SPATA17: variants seen among roughly 807,000 people sequenced by gnomAD.
The protein encoded by SPATA17 is spermatogenesis-associated protein 17.
In SPATA17, 53 loss-of-function variants were observed where a neutral mutation model predicts 62.2. The ratio of observed to expected loss-of-function variants is 0.85; its 90% CI spans 0.68 to 1.07. SPATA17 has a LOEUF of 1.07. SPATA17 is among the 50% of genes least tolerant of loss of function. SPATA17 has a pLI of 0.00. For synonymous variants in SPATA17, 146 were observed against 146.8 expected, an observed-to-expected ratio of 0.99 and a Z score of 0.04; for missense variants, 466 against 425.5, an observed-to-expected ratio of 1.10 and a Z score of -0.84.
rs376041446 is a variant in SPATA17, at chr1:217,793,215, G to GTTTTTTTTTTTTTTTTTT, written c.873-8498_873-8497insTTTTTTTTTTTTTTTTTT. On this transcript the variant is annotated intron_variant, in intron 8 of 10. Transcript: ENST00000366933. ...GAATTGCTTTAATGTTAGGGCAGTG[G>GTTTTTTTTTTTTTTTTTT]TTTTTGTTTTTTTTTTTTTTTTTGA... is the stretch of plus-strand genomic sequence containing the variant. Among the ~76,000 whole-genome samples the GTTTTTTTTTTTTTTTTTT allele has an allele frequency of 1.7e-5, 2 of 114,598 alleles. 1 individual carries two copies. Among genetic ancestry groups the GTTTTTTTTTTTTTTTTTT allele is most frequent in the Non-Finnish European group, 3.5e-5 (2 of 56,448 alleles). The allele number at this position is 114,598 out of a possible 152,430, so 75.2% of individuals were successfully genotyped here. A position where few individuals can be genotyped will look rare whatever the true frequency, so the allele number is the denominator to read the frequency against.
intron 10 of SPATA17, among the ~76,000 whole-genome samples, chr1:217,866,227 C>A (rs780907683): frequency 6.6e-6 from 1 of 151,962 alleles, no homozygotes. Flanking sequence ...AACTTATAAC[C>A]CTTTCAAGTT....
rs772547209 is a variant in SPATA17 at position 217,870,932 on chromosome 1, G to T, written c.*3913G>T. On this transcript the variant is annotated 3_prime_UTR_variant, in exon 11 of 11. Coordinates refer to ENST00000366933, the MANE Select transcript of SPATA17 (RefSeq NM_138796.4). Reference sequence around the variant, plus strand: ...ATCGAATGTGCTAATGATAAATAAAGAAGTTCAAAAAAATCTTTTAATAGA... The same window carrying T: ...ATCGAATGTGCTAATGATAAATAAATAAGTTCAAAAAAATCTTTTAATAGA... The T allele has an allele frequency of 1.3e-5, 2 of 152,106 alleles. No homozygotes were observed. The highest frequency in any genetic ancestry group is 2.4e-5 in the African/African-American group (1 of 41,436). 9.4% of individuals were successfully genotyped at this position (152,106 alleles called of 1,614,324 possible). A position where few individuals can be genotyped will look rare whatever the true frequency, so the allele number is the denominator to read the frequency against.
Position 217,784,633 on chromosome 1 carries a change from G to A in SPATA17, c.872+2311G>A, listed in dbSNP as rs550409430. Among the ~76,000 whole-genome samples, 19 of 152,286 alleles carry A rather than the reference G, an allele frequency of 1.2e-4. No homozygotes were observed. The South Asian group carries it at 3.9e-3, about 32-fold the overall frequency. ...TAATGAGGATTGATAGAGAAAATGA[G>A]TATAAAGTGTCAGGAACATAGTAGG... On this transcript the variant is annotated intron_variant, in intron 8 of 10. Coordinates refer to ENST00000366933, the MANE Select transcript of SPATA17 (RefSeq NM_138796.4).
chr1:217,766,487 T>C (rs540404262), intron 6 of SPATA17, among the ~76,000 whole-genome samples: 1 of 152,094 alleles, frequency 6.6e-6, no homozygotes, highest in South Asian at 2.1e-4. Flanking sequence ...TTATCGTTTC[T>C]CCATCCCATC....
intron 6 of SPATA17, among the ~76,000 whole-genome samples, chr1:217,753,050 C>A (rs1037710350): frequency 6.6e-6 from 1 of 152,164 alleles, no homozygotes; most frequent in Non-Finnish European, 1.5e-5. Flanking sequence ...ACTCTCATAC[C>A]ACCCAACCCA....
intron 5 of SPATA17, among the ~76,000 whole-genome samples, chr1:217,696,547 A>G (rs558186851): frequency 5.8e-4 from 89 of 152,362 alleles, no homozygotes; most frequent in Non-Finnish European, 9.4e-4. Context: ...GGTCCTTTTT[A>G]AAATTTGCCT....
At position 217,782,175 on chromosome 1, in the gene SPATA17, G is replaced by A. The variant is rs757055443; in HGVS notation, c.725G>A (p.Gly242Glu). ...ATGTTCCTCATCCTGTCTTGTCAGG[G>A]GCCCTTCCGAGATATCACCGAAGTA... ...LPPINRKQCQ[G>E]PFRDITEVLE... The change falls in exon 8 of 11, where the codon GGG becomes GAG. Residue 242 changes from glycine (G) to glutamate (E), a missense_variant and splice_region_variant. Physicochemically the swap from Gly to Glu is moderately conservative, Grantham distance 98. Transcript: ENST00000366933. 7 of 1,585,838 alleles carry A rather than the reference G, an allele frequency of 4.4e-6. No individual in the cohort carries two copies. Among genetic ancestry groups the A allele is most frequent in the Admixed American group, 1.9e-5 (1 of 53,984 alleles).
At chr1:217,636,531 GAC>G (rs1669946762) in intron 1 of SPATA17, among the ~76,000 whole-genome samples, 1 of 152,112 alleles carries the variant, frequency 6.6e-6, no homozygotes, top group African/African-American at 2.4e-5. Flanking sequence ...TCCTGCTTCA[GAC>G]TCCTGAGTAG....
At chr1:217,683,809 A>G (rs780695296) in intron 5 of SPATA17, among the ~76,000 whole-genome samples, 29 of 151,718 alleles carry the variant, frequency 1.9e-4, no homozygotes, top group Non-Finnish European at 3.4e-4. Context: ...ATATGATTCT[A>G]TTTACCTTAA....
At chr1:217,748,184 T>G (rs540145499) in intron 6 of SPATA17, among the ~76,000 whole-genome samples, 43 of 151,298 alleles carry the variant, frequency 2.8e-4, no homozygotes, top group Non-Finnish European at 5.2e-4. Flanking sequence ...GCGCCTGTAG[T>G]CCCAGCTACT....
rs1338338273 is a variant in SPATA17 at position 217,774,358 on chromosome 1, T to C, written c.544T>C (p.Phe182Leu). The change falls in exon 7 of 11, where the codon TTC becomes CTC. Residue 182 changes from phenylalanine to leucine, a missense_variant. Transcript: ENST00000366933. Reference protein sequence around the residue: ...KQIPGIYNSPFRKEPDPWELQ... With the variant: ...KQIPGIYNSPLRKEPDPWELQ... ...GATTCCAGGAATATACAATTCACCC[T>C]TCAGAAAAGAGCCTGATCCATGGGA... 1 of 1,613,966 alleles carries C rather than the reference T, an allele frequency of 6.2e-7. No homozygotes were observed. The highest frequency in any genetic ancestry group is 1.7e-5 in the Admixed American group (1 of 60,014).
At position 217,686,796 on chromosome 1, in the gene SPATA17, T is replaced by G. The variant is rs548940908; in HGVS notation, c.395+3435T>G. Among the ~76,000 whole-genome samples, 19 of 152,352 alleles carry G rather than the reference T, an allele frequency of 1.2e-4. No individual in the cohort carries two copies. In the South Asian group the frequency reaches 3.7e-3, roughly 30 times the overall value. On this transcript the variant is annotated intron_variant, in intron 5 of 10. Transcript: ENST00000366933. Reference sequence around the variant, plus strand: ...ATGCAGTGGCACAATCTTGACTCACTGCAACCTCTGCCTCCTGGGTTCAAG... The same window carrying G: ...ATGCAGTGGCACAATCTTGACTCACGGCAACCTCTGCCTCCTGGGTTCAAG...
intron 9 of SPATA17, among the ~76,000 whole-genome samples, chr1:217,817,320 C>G (rs543425823): frequency 6.6e-6 from 1 of 151,950 alleles, no homozygotes; most frequent in Non-Finnish European, 1.5e-5. Flanking sequence ...GGGTCAGTTT[C>G]CCCCATGCTA....
intron 9 of SPATA17, 98 bp from the exon 10 acceptor site, chr1:217,862,676 G>A: frequency 1.2e-6 from 1 of 858,704 alleles, no homozygotes; most frequent in Non-Finnish European, 1.8e-6. Context: ...GCAGTTGAAA[G>A]ACATCTGTCT....
At chr1:217,742,200 A>C in intron 6 of SPATA17, 102 bp downstream of exon 6, 1 of 1,429,820 alleles carries the variant, frequency 7.0e-7, no homozygotes, top group Non-Finnish European at 9.6e-7. Flanking sequence ...TTGAAAAGAT[A>C]TCACAAAGAC....
chr1:217,866,378 A>G (rs1676010836), intron 10 of SPATA17: 2 of 152,152 alleles, frequency 1.3e-5, no homozygotes, highest in African/African-American at 4.8e-5. Context: ...TCCATAATAG[A>G]GGCAGATTTG....
At chr1:217,855,983 C>G (rs1006847641) in intron 9 of SPATA17, among the ~76,000 whole-genome samples, 1 of 151,834 alleles carries the variant, frequency 6.6e-6, no homozygotes, top group Non-Finnish European at 1.5e-5. Context: ...CCTGAACCCC[C>G]CAAAGTGCTG....
intron 5 of SPATA17, among the ~76,000 whole-genome samples, chr1:217,690,191 C>A (rs1468905038): frequency 6.6e-6 from 1 of 152,146 alleles, no homozygotes; most frequent in East Asian, 1.9e-4. Context: ...GCGTGAGCCA[C>A]CGGGCCCAGC....
Position 217,871,353 on chromosome 1 carries a change from C to A in SPATA17, c.*4334C>A, listed in dbSNP as rs1262764593. 6.6e-6 allele frequency: 1 copy of A among 152,058 alleles called. No individual in the cohort carries two copies. The highest frequency in any genetic ancestry group is 2.4e-5 in the African/African-American group (1 of 41,404). 9.4% of individuals were successfully genotyped at this position (152,058 alleles called of 1,614,324 possible). A position where few individuals can be genotyped will look rare whatever the true frequency, so the allele number is the denominator to read the frequency against. On this transcript the variant is annotated 3_prime_UTR_variant, in exon 11 of 11. Coordinates refer to ENST00000366933, the MANE Select transcript of SPATA17 (RefSeq NM_138796.4). Reference sequence around the variant, plus strand: ...AGCTGCACGGTATCCATTTTCTGTGCTAAATTCATCTTTAATTTATTATTT... The same window carrying A: ...AGCTGCACGGTATCCATTTTCTGTGATAAATTCATCTTTAATTTATTATTT...
Sources: gnomAD v4.1 joint callset for allele counts (sites outside exome capture counted in the v4.1 genomes callset) on GRCh38, gnomAD v4.1.1 for gene constraint, MANE v1.5 for transcripts, NCBI Gene and HGNC (gene_info 2026-07-23, HGNC 2026-07-21) for gene names.